DMD: variants seen among roughly 807,000 people sequenced by gnomAD.
DMD encodes mutant dystrophin.
DMD carries 63 observed loss-of-function variants against 330.1 expected under a neutral mutation model. The observed-to-expected ratio is 0.19, with a 90% CI of 0.16 to 0.24. The LOEUF is 0.24. DMD is among the 10% of genes least tolerant of loss of function. The pLI is 1.00. For missense variants in DMD, 3,344 were observed against 2,684.1 expected, an observed-to-expected ratio of 1.25 and a Z score of -5.43; for synonymous variants, 1,223 against 959.8, an observed-to-expected ratio of 1.27 and a Z score of -5.07.
chrX:32,705,940 A>C (rs1423379700), intron 7 of DMD, among the ~76,000 whole-genome samples: 1 of 109,959 alleles, frequency 9.1e-6, no homozygotes, highest in Non-Finnish European at 1.9e-5. Context: ...TGTTTACTGC[A>C]GCACTATTCA....
In DMD at chrX:31,296,531, C is replaced by G. The variant is rs939269014; in HGVS notation, c.9224+27067G>C. ...GGAAACGTGCTTACTGCTCCCTTTA[C>G]AGTAGGTCAAGAGTCTCTGATTTCT... On this transcript the variant is annotated intron_variant, in intron 62 of 78. Coordinates refer to ENST00000357033, the MANE Select transcript of DMD (RefSeq NM_004006.3). 3.6e-5 allele frequency among the ~76,000 whole-genome samples: 4 copies of G among 111,647 alleles called. No homozygotes were observed. In the East Asian group the frequency reaches 1.1e-3, roughly 31 times the overall value.
chrX:33,175,799 T>G (rs1346054777), intron 1 of DMD, among the ~76,000 whole-genome samples: 1 of 111,891 alleles, frequency 8.9e-6, no homozygotes, highest in Non-Finnish European at 1.9e-5. Context: ...TGTTTTGCAG[T>G]TAACATTCAT....
intron 1 of DMD, among the ~76,000 whole-genome samples, chrX:33,056,213 AG>A (rs2094515079): frequency 9.0e-6 from 1 of 110,825 alleles, no homozygotes. Context: ...TCCTGAAAAT[AG>A]AAAGTCCCGC....
intron 63 of DMD, among the ~76,000 whole-genome samples, chrX:31,240,148 A>C (rs2048104500): frequency 9.0e-6 from 1 of 111,008 alleles, no homozygotes; most frequent in African/African-American, 3.3e-5. Flanking sequence ...ACACTGACAT[A>C]ACTCTCCATA....
chrX:32,633,395 T>A (rs1296673481), intron 11 of DMD, among the ~76,000 whole-genome samples: 2 of 112,193 alleles, frequency 1.8e-5, no homozygotes, highest in African/African-American at 3.2e-5. Flanking sequence ...CCTCGACAGC[T>A]TGGACTTCAC....
chrX:32,643,240 T>C (rs1209591040), intron 11 of DMD, among the ~76,000 whole-genome samples: 1 of 111,312 alleles, frequency 9.0e-6, no homozygotes. Context: ...TCAAAAGGCC[T>C]GAGCTTAAAA....
At chrX:32,754,831 A>C (rs2071296254) in intron 7 of DMD, 1 of 111,819 alleles carries the variant, frequency 8.9e-6, no homozygotes, top group African/African-American at 3.2e-5. Context: ...CCATTAAATC[A>C]TTGTGCAGAT....
intron 11 of DMD, among the ~76,000 whole-genome samples, chrX:32,635,253 C>T (rs1277107397): frequency 2.7e-5 from 3 of 111,460 alleles, no homozygotes; most frequent in Admixed American, 9.5e-5. Flanking sequence ...AGAATATTGC[C>T]TTTACTACCC....
chrX:32,907,709 A>T (rs1030664765), intron 2 of DMD, among the ~76,000 whole-genome samples: 17 of 112,302 alleles, frequency 1.5e-4, no homozygotes, highest in African/African-American at 4.5e-4. Flanking sequence ...GTTTCTCAAC[A>T]TTCAAGAATA....
intron 43 of DMD, among the ~76,000 whole-genome samples, chrX:32,272,937 A>G (rs1053575450): frequency 9.8e-5 from 11 of 111,917 alleles, no homozygotes; most frequent in African/African-American, 3.6e-4. Flanking sequence ...GGTAACTTAT[A>G]TAACTTAGGA....
chrX:32,939,461 TC>T (rs1480491680), intron 2 of DMD, among the ~76,000 whole-genome samples: 2 of 110,904 alleles, frequency 1.8e-5, no homozygotes, highest in African/African-American at 6.5e-5. Context: ...CTTTTTCCTT[TC>T]CTTTTAGTCC....
In DMD at chrX:32,965,668, G is replaced by T. The variant is rs747099700; in HGVS notation, c.93+54471C>A. On this transcript the variant is annotated intron_variant, in intron 2 of 78. Transcript: ENST00000357033. ...ATAATGGTTAGAGCTAATGAGCAGT[G>T]TATGGTATGCATTATGTTACTTTTT... Among the ~76,000 whole-genome samples the T allele has an allele frequency of 2.5e-4, 28 of 111,145 alleles. 1 individual carries two copies. Among genetic ancestry groups the T allele is most frequent in the Admixed American group, 2.5e-3 (26 of 10,411 alleles).
intron 13 of DMD, among the ~76,000 whole-genome samples, chrX:32,585,344 T>C (rs1356346208): frequency 8.9e-6 from 1 of 112,222 alleles, no homozygotes; most frequent in African/African-American, 3.2e-5. Flanking sequence ...TGTACAAATA[T>C]TATGTATCAA....
chrX:32,773,466 G>A (rs2148475873), intron 7 of DMD, among the ~76,000 whole-genome samples: 1 of 109,119 alleles, frequency 9.2e-6, no homozygotes, highest in East Asian at 2.9e-4. Context: ...TCACTCTAGG[G>A]TGCTACCAAA....
chrX:31,677,779 C>T (rs1183092210), intron 53 of DMD, among the ~76,000 whole-genome samples: 1 of 112,289 alleles, frequency 8.9e-6, no homozygotes, highest in African/African-American at 3.2e-5. Flanking sequence ...TAAACTAAAA[C>T]CTTGTCCTCA....
At chrX:31,791,054 T>C (rs1344526468) in intron 50 of DMD, among the ~76,000 whole-genome samples, 8 of 111,650 alleles carry the variant, frequency 7.2e-5, no homozygotes, top group African/African-American at 2.6e-4. Flanking sequence ...GATTTGAGAA[T>C]TTCTTTCAAT....
chrX:32,618,266 G>A (rs1272484527), intron 11 of DMD, among the ~76,000 whole-genome samples: 2 of 112,169 alleles, frequency 1.8e-5, no homozygotes, highest in Non-Finnish European at 3.8e-5. Flanking sequence ...CAACCTAAAT[G>A]CTTATCAGTG....
intron 1 of DMD, among the ~76,000 whole-genome samples, chrX:33,179,668 T>C (rs1419156886): frequency 5.8e-5 from 6 of 103,831 alleles, no homozygotes; most frequent in Admixed American, 2.1e-4. Context: ...CACTCTAGCC[T>C]GGGTGACAGA....
intron 9 of DMD, among the ~76,000 whole-genome samples, chrX:32,671,699 C>T (rs1239914795): frequency 8.9e-6 from 1 of 111,801 alleles, no homozygotes; most frequent in Non-Finnish European, 1.9e-5. Flanking sequence ...GTAATCTAAC[C>T]AGATAAAGAG....
Sources: gnomAD v4.1 joint callset for allele counts (sites outside exome capture counted in the v4.1 genomes callset) on GRCh38, gnomAD v4.1.1 for gene constraint, MANE v1.5 for transcripts, NCBI Gene and HGNC (gene_info 2026-07-23, HGNC 2026-07-21) for gene names.